The following PTPRD variants were observed in gnomAD, a reference collection of about 807,000 sequenced individuals.
PTPRD encodes the protein protein tyrosine phosphatase receptor type D.
A neutral mutation model predicts 214.5 loss-of-function variants in PTPRD; 34 were observed. The ratio of observed to expected loss-of-function variants is 0.16; its 90% CI spans 0.12 to 0.21. The LOEUF (loss-of-function observed/expected upper bound fraction) is 0.21, where lower values mean the gene tolerates loss of function less well. Ranked by LOEUF, PTPRD falls within the 10% of genes least tolerant of loss-of-function variation. The pLI, the probability that PTPRD is intolerant of heterozygous loss-of-function variation, is 1.00. For synonymous variants in PTPRD, 1,128 were observed against 845.7 expected, an observed-to-expected ratio of 1.33 and a Z score of -5.79; for missense variants, 2,545 against 2,398.7, an observed-to-expected ratio of 1.06 and a Z score of -1.27.
At chr9:9,575,162 A>T (rs1278663505) in intron 7 of PTPRD, among the ~76,000 whole-genome samples, 2 of 152,168 alleles carry the variant, frequency 1.3e-5, no homozygotes, top group Non-Finnish European at 2.9e-5. Flanking sequence ...TACATGTGCA[A>T]ACATGTACAC....
chr9:10,095,129 A>G (rs1370323507), intron 3 of PTPRD, among the ~76,000 whole-genome samples: 1 of 151,254 alleles, frequency 6.6e-6, no homozygotes, highest in East Asian at 1.9e-4. Context: ...TTGCTGTTCA[A>G]AAAAAAATCC....
chr9:10,114,702 C>T (rs2098716781), intron 3 of PTPRD, among the ~76,000 whole-genome samples: 1 of 151,920 alleles, frequency 6.6e-6, no homozygotes, highest in South Asian at 2.1e-4. Context: ...TGTATAGCTT[C>T]CTTGTGAATC....
chr9:9,129,773 T>C (rs1232622931), intron 10 of PTPRD, among the ~76,000 whole-genome samples: 1 of 152,198 alleles, frequency 6.6e-6, no homozygotes, highest in East Asian at 1.9e-4. Context: ...ACATACATAT[T>C]GACATTGTAG....
chr9:9,062,638 G>C (rs1333174540), intron 10 of PTPRD, among the ~76,000 whole-genome samples: 1 of 151,936 alleles, frequency 6.6e-6, no homozygotes, highest in Non-Finnish European at 1.5e-5. Flanking sequence ...CCAAAATTTA[G>C]CTGATTAAGC....
At chr9:10,350,288 G>C (rs115323961) in intron 2 of PTPRD, among the ~76,000 whole-genome samples, 1 of 152,050 alleles carries the variant, frequency 6.6e-6, no homozygotes, top group Admixed American at 6.6e-5. Context: ...ACTATAAGAA[G>C]AAACTTTAAA....
intron 10 of PTPRD, among the ~76,000 whole-genome samples, chr9:9,149,524 A>T (rs963611330): frequency 2.6e-5 from 4 of 152,200 alleles, no homozygotes; most frequent in African/African-American, 9.6e-5. Flanking sequence ...CAACGCATGC[A>T]TGGTGACTCC....
chr9:10,568,444 C>T (rs1240795560), intron 2 of PTPRD, among the ~76,000 whole-genome samples: 2 of 151,694 alleles, frequency 1.3e-5, no homozygotes, highest in African/African-American at 2.4e-5. Context: ...CATGTGTCTT[C>T]ATAGCAGCAT....
intron 9 of PTPRD, among the ~76,000 whole-genome samples, chr9:9,194,508 A>G (rs1479506203): frequency 6.6e-6 from 1 of 152,104 alleles, no homozygotes; most frequent in Non-Finnish European, 1.5e-5. Flanking sequence ...CTGTGATGTC[A>G]CTGGGTGACA....
chr9:8,328,486 T>C (rs1302264835), intron 44 of PTPRD, among the ~76,000 whole-genome samples: 3 of 152,114 alleles, frequency 2.0e-5, no homozygotes, highest in Non-Finnish European at 4.4e-5. Flanking sequence ...AATCTGATGA[T>C]TCATTGTGTG....
At chr9:8,929,467 C>T (rs540896023) in intron 11 of PTPRD, among the ~76,000 whole-genome samples, 12 of 151,862 alleles carry the variant, frequency 7.9e-5, no homozygotes, top group African/African-American at 2.9e-4. Flanking sequence ...TGGTCATTGG[C>T]TCTGTTTATG....
At chr9:9,842,281 G>C (rs1228775506) in intron 5 of PTPRD, among the ~76,000 whole-genome samples, 1 of 139,730 alleles carries the variant, frequency 7.2e-6, no homozygotes, top group African/African-American at 2.6e-5. Context: ...AAAACTCAAA[G>C]TCTACTGAAG....
rs990777364 is a variant in PTPRD at position 8,709,094 on chromosome 9, T to A, written c.64+24686A>T. ...GGAATAGTGGCTATCAGAGGCTGGG[T>A]AGGGGGTTGGGAGGGGTTGGGGAGA... On this transcript the variant is annotated intron_variant, in intron 12 of 45. Transcript: ENST00000381196. Among the ~76,000 whole-genome samples the A allele has an allele frequency of 3.3e-5, 5 of 151,616 alleles. No homozygotes were observed. The South Asian group carries it at 6.3e-4, about 19-fold the overall frequency.
intron 8 of PTPRD, among the ~76,000 whole-genome samples, chr9:9,469,044 G>A (rs1268928516): frequency 6.6e-6 from 1 of 152,042 alleles, no homozygotes; most frequent in Non-Finnish European, 1.5e-5. Context: ...AGCTACATTT[G>A]TGGTCATAAA....
intron 11 of PTPRD, among the ~76,000 whole-genome samples, chr9:8,831,431 C>A (rs1190693872): frequency 2.0e-5 from 3 of 152,160 alleles, no homozygotes; most frequent in Non-Finnish European, 4.4e-5. Context: ...ACACATTATA[C>A]AGTCTACATA....
intron 12 of PTPRD, among the ~76,000 whole-genome samples, chr9:8,699,801 C>G (rs924498820): frequency 6.6e-6 from 1 of 151,874 alleles, no homozygotes; most frequent in Admixed American, 6.6e-5. Context: ...CATTCATACT[C>G]CATGGTAATA....
intron 2 of PTPRD, among the ~76,000 whole-genome samples, chr9:10,431,784 T>C (rs868260312): frequency 0.018 from 2,695 of 151,876 alleles, 76 homozygotes; most frequent in African/African-American, 0.061. Flanking sequence ...AGTCAGGAAA[T>C]AACAGGTGCT....
chr9:9,398,903 C>A (rs976549761), intron 8 of PTPRD, among the ~76,000 whole-genome samples: 1 of 151,836 alleles, frequency 6.6e-6, no homozygotes, highest in African/African-American at 2.4e-5. Context: ...AATAACATTG[C>A]CTTGTTGCTA....
intron 3 of PTPRD, among the ~76,000 whole-genome samples, chr9:10,171,352 T>A: frequency 6.6e-6 from 1 of 151,954 alleles, no homozygotes. Flanking sequence ...TGATACGAGA[T>A]CTGATGGTTT....
At chr9:9,233,881 G>A (rs2099964781) in intron 9 of PTPRD, among the ~76,000 whole-genome samples, 1 of 152,164 alleles carries the variant, frequency 6.6e-6, no homozygotes, top group South Asian at 2.1e-4. Context: ...TCACTCTCCT[G>A]GCTGCTTTTA....
Sources: gnomAD v4.1 joint callset for allele counts (sites outside exome capture counted in the v4.1 genomes callset) on GRCh38, gnomAD v4.1.1 for gene constraint, MANE v1.5 for transcripts, NCBI Gene and HGNC (gene_info 2026-07-23, HGNC 2026-07-21) for gene names.